Variants in JAM2 observed in about 807,000 individuals in gnomAD.
The protein encoded by JAM2 is junctional adhesion molecule B.
A neutral mutation model predicts 42.0 loss-of-function variants in JAM2; 17 were observed. The observed-to-expected ratio is 0.40, with a 90% CI of 0.28 to 0.61. JAM2 has a LOEUF of 0.61. JAM2 is among the 20% of genes least tolerant of loss of function. The pLI is 0.37. For missense variants in JAM2, 319 were observed against 358.3 expected (o/e 0.89, Z 0.89); for synonymous variants, 118 against 128.6 (o/e 0.92, Z 0.56).
chr21:25,658,201 A>T (rs1317151203), intron 1 of JAM2, among the ~76,000 whole-genome samples: 3 of 152,152 alleles, frequency 2.0e-5, no homozygotes, highest in Non-Finnish European at 4.4e-5. Flanking sequence ...GAAAATAGAA[A>T]TTGATAAAAT....
chr21:25,693,814 A>G lies in JAM2; in HGVS notation c.300A>G (p.Thr100=). 2 of 1,614,154 alleles carry G rather than the reference A, an allele frequency of 1.2e-6. No individual in the cohort carries two copies. The highest frequency in any genetic ancestry group is 1.7e-6 in the Non-Finnish European group (2 of 1,179,974). The change falls in exon 4 of 10, where the codon ACA becomes ACG. Residue 100 remains threonine (T), a synonymous_variant. Transcript: ENST00000480456. ...TCAATATCCGGATCAAAAATGTGAC[A>G]AGAAGTGATGCGGGGAAATATCGTT... ...IDFNIRIKNV[T]RSDAGKYRCE...
At chr21:25,685,246 G>A (rs1453615026) in intron 2 of JAM2, among the ~76,000 whole-genome samples, 2 of 152,032 alleles carry the variant, frequency 1.3e-5, no homozygotes, top group Non-Finnish European at 2.9e-5. Flanking sequence ...GTAAAAATAT[G>A]CTGTAGTAAG....
chr21:25,667,401 G>A (rs1258915513), intron 1 of JAM2, among the ~76,000 whole-genome samples: 4 of 152,062 alleles, frequency 2.6e-5, no homozygotes, highest in South Asian at 2.1e-4. Flanking sequence ...TCATCACGTC[G>A]GCATTTTATC....
intron 1 of JAM2, among the ~76,000 whole-genome samples, chr21:25,646,531 T>C (rs1395921933): frequency 1.3e-5 from 2 of 151,894 alleles, no homozygotes; most frequent in East Asian, 3.9e-4. Flanking sequence ...GCCTTCTAAG[T>C]TCCAAAGTGT....
chr21:25,657,707 T>C (rs1375394540), intron 1 of JAM2, among the ~76,000 whole-genome samples: 1 of 152,210 alleles, frequency 6.6e-6, no homozygotes, highest in Admixed American at 6.5e-5. Context: ...CCCTCATTTG[T>C]TAAATGAAAG....
chr21:25,683,182 G>A (rs1477521156), intron 1 of JAM2, among the ~76,000 whole-genome samples: 1 of 151,926 alleles, frequency 6.6e-6, no homozygotes, highest in Non-Finnish European at 1.5e-5. Context: ...CTGTATCAAA[G>A]GTGCCTTTTT....
chr21:25,680,796 C>T (rs907562608), intron 1 of JAM2, among the ~76,000 whole-genome samples: 1 of 150,750 alleles, frequency 6.6e-6, no homozygotes, highest in East Asian at 1.9e-4. Flanking sequence ...GGATGGATGA[C>T]GATCGATGGA....
chr21:25,700,272 T>C (rs964329012), intron 5 of JAM2, among the ~76,000 whole-genome samples: 1 of 152,170 alleles, frequency 6.6e-6, no homozygotes, highest in Non-Finnish European at 1.5e-5. Context: ...CAGTTTAAAA[T>C]TGTCTGCCTT....
chr21:25,675,033 G>A (rs2033449656), intron 1 of JAM2, among the ~76,000 whole-genome samples: 1 of 152,088 alleles, frequency 6.6e-6, no homozygotes, highest in Non-Finnish European at 1.5e-5. Context: ...AGGTTGAACT[G>A]GCTCACGGTT....
intron 1 of JAM2, among the ~76,000 whole-genome samples, chr21:25,681,558 A>G (rs377250922): frequency 2.0e-5 from 3 of 152,244 alleles, no homozygotes; most frequent in African/African-American, 4.8e-5. Context: ...TATGGAAACT[A>G]CAGTTCAAGA....
intron 5 of JAM2, among the ~76,000 whole-genome samples, chr21:25,701,370 G>T (rs1452140878): frequency 1.3e-5 from 2 of 151,040 alleles, no homozygotes; most frequent in Non-Finnish European, 2.9e-5. Context: ...CCTCCCTCCA[G>T]CCCTTTCTTC....
chr21:25,671,416 T>G (rs889806667), intron 1 of JAM2, among the ~76,000 whole-genome samples: 1 of 152,208 alleles, frequency 6.6e-6, no homozygotes, highest in Non-Finnish European at 1.5e-5. Flanking sequence ...GTCCCAAAAC[T>G]TAAGCCTTAT....
At chr21:25,671,026 G>A (rs1375766750) in intron 1 of JAM2, among the ~76,000 whole-genome samples, 1 of 152,202 alleles carries the variant, frequency 6.6e-6, no homozygotes, top group Non-Finnish European at 1.5e-5. Flanking sequence ...AAGATTTTAT[G>A]AGTCATCTTC....
Position 25,655,503 on chromosome 21 carries a change from C to T in JAM2, c.67+15615C>T, listed in dbSNP as rs868025016. On this transcript the variant is annotated intron_variant, in intron 1 of 9. Coordinates refer to ENST00000480456, the MANE Select transcript of JAM2 (RefSeq NM_021219.4). ...CAGCTCTTTTTTTTTTTTTTTGAGA[C>T]GGAGTCTCACTCTGTCACACAGGCT... Among the ~76,000 whole-genome samples, 7 of 137,724 alleles carry T rather than the reference C, an allele frequency of 5.1e-5. 1 individual carries two copies. The highest frequency in any genetic ancestry group is 3.7e-3 in the Middle Eastern group (1 of 270). The allele number at this position is 137,724 out of a possible 152,430, so 90.4% of individuals were successfully genotyped here. A position where few individuals can be genotyped will look rare whatever the true frequency, so the allele number is the denominator to read the frequency against.
Position 25,700,789 on chromosome 21 carries a change from C to T in JAM2, c.598-1381C>T, listed in dbSNP as rs1484648935. On this transcript the variant is annotated intron_variant, in intron 5 of 9. Transcript: ENST00000480456. ...TGCTAAAGTGGCTGAATAATAAAGC[C>T]TATTGGATGCAGTTACTTCTTAAGC... is the stretch of plus-strand genomic sequence containing the variant. 2.6e-5 allele frequency among the ~76,000 whole-genome samples: 4 copies of T among 152,182 alleles called. No homozygotes were observed. In the East Asian group the frequency reaches 5.8e-4, roughly 22 times the overall value.
In JAM2 at chr21:25,698,783, A is replaced by T. The variant is rs1209241754; in HGVS notation, c.501A>T (p.Thr167=). 9 of 1,614,024 alleles carry T rather than the reference A, an allele frequency of 5.6e-6. No individual in the cohort carries two copies. The highest frequency in any genetic ancestry group is 7.6e-6 in the Non-Finnish European group (9 of 1,179,892). ...AAGGGAATCCAGCTCCTGAATACAC[A>T]TGGTTTAAGGATGGCATCCGTTTGC... ...DKEGNPAPEY[T]WFKDGIRLLE... The change falls in exon 5 of 10, where the codon ACA becomes ACT. Residue 167 remains threonine, a synonymous_variant. Coordinates refer to ENST00000480456, the MANE Select transcript of JAM2 (RefSeq NM_021219.4).
At position 25,675,364 on chromosome 21, in the gene JAM2, C is replaced by G. The variant is rs141022335; in HGVS notation, c.68-8519C>G. ...TACAAAAATTCACAGGACATGGTGGCTCATGCTTGTAGTCCCAGCTACTCG... is the reference window on the plus strand; with the variant it reads ...TACAAAAATTCACAGGACATGGTGGGTCATGCTTGTAGTCCCAGCTACTCG... On this transcript the variant is annotated intron_variant, in intron 1 of 9. Coordinates refer to ENST00000480456, the MANE Select transcript of JAM2 (RefSeq NM_021219.4). 6.0e-4 allele frequency among the ~76,000 whole-genome samples: 92 copies of G among 152,146 alleles called. 2 individuals are homozygous for G. In the East Asian group the frequency reaches 0.017, roughly 29 times the overall value.
intron 2 of JAM2, among the ~76,000 whole-genome samples, chr21:25,688,003 G>A (rs1476020144): frequency 1.3e-5 from 2 of 152,196 alleles, no homozygotes; most frequent in Non-Finnish European, 2.9e-5. Context: ...CAAAGGGCAA[G>A]GATCTTTGTT....
At chr21:25,681,433 A>T (rs1043108415) in intron 1 of JAM2, among the ~76,000 whole-genome samples, 1 of 152,174 alleles carries the variant, frequency 6.6e-6, no homozygotes, top group South Asian at 2.1e-4. Context: ...TGCAGAGTGA[A>T]GGTGGGGAAA....
Sources: gnomAD v4.1 joint callset for allele counts (sites outside exome capture counted in the v4.1 genomes callset) on GRCh38, gnomAD v4.1.1 for gene constraint, MANE v1.5 for transcripts, NCBI Gene and HGNC (gene_info 2026-07-23, HGNC 2026-07-21) for gene names.